Variants in NEBL observed in about 807,000 individuals in gnomAD.
NEBL encodes the protein nebulette, also known as LIM and SH3 protein 2.
A neutral mutation model predicts 140.2 loss-of-function variants in NEBL; 122 were observed. The observed-to-expected ratio is 0.87, with a 90% CI of 0.75 to 1.01. The LOEUF (loss-of-function observed/expected upper bound fraction) is 1.01. Ranked by LOEUF, NEBL falls within the 50% of genes least tolerant of loss-of-function variation. The pLI, the probability that NEBL is intolerant of heterozygous loss-of-function variation, is 0.00. For synonymous variants in NEBL, 436 were observed against 398.9 expected, an observed-to-expected ratio of 1.09 and a Z score of -1.11; for missense variants, 1,365 against 1,231.3, an observed-to-expected ratio of 1.11 and a Z score of -1.62.
chr10:20,938,469 T>TA (rs1480641538), intron 4 of NEBL, among the ~76,000 whole-genome samples: 1 of 152,068 alleles, frequency 6.6e-6, no homozygotes, highest in East Asian at 1.9e-4. Context: ...CAAAGGTAGA[T>TA]AAAACCACAA....
At chr10:21,029,751 A>C (rs1833700167) in intron 2 of NEBL, 1 of 798,070 alleles carries the variant, frequency 1.3e-6, no homozygotes, top group Non-Finnish European at 2.2e-6. Context: ...ATATGGATCG[A>C]TATGGCTGGC....
chr10:20,826,403 T>C lies in NEBL; in HGVS notation c.1869+44A>G, dbSNP rs1409348. 0.42 allele frequency: 598,067 copies of C among 1,438,126 alleles called. 130,917 individuals are homozygous for C. The highest frequency in any genetic ancestry group is 0.64 in the African/African-American group (45,826 of 71,208). 89.1% of individuals were successfully genotyped at this position (1,438,126 alleles called of 1,614,324 possible). A position where few individuals can be genotyped will look rare whatever the true frequency, so the allele number is the denominator to read the frequency against. ...AACTAAAAACATTTGTCTATAGTTT[T>C]GGTTTGCTTTTAGAAAAGATAATTA... On this transcript the variant is annotated intron_variant, in intron 18 of 27. Coordinates refer to ENST00000377122, the MANE Select transcript of NEBL (RefSeq NM_006393.3).
intron 7 of NEBL, 126 bp downstream of exon 7, chr10:20,868,538 G>C: frequency 1.3e-6 from 1 of 799,394 alleles, no homozygotes; most frequent in South Asian, 1.4e-5. Flanking sequence ...TCTGAACTGG[G>C]TTCAGAAACA....
chr10:21,223,999 A>C (rs1053857313), intron 3 of NEBL, among the ~76,000 whole-genome samples: 1 of 152,092 alleles, frequency 6.6e-6, no homozygotes, highest in African/African-American at 2.4e-5. Context: ...TCACTTCGAT[A>C]ATGTTTCTTT....
In NEBL at chr10:20,858,832, C is replaced by T. The variant is rs181880208; in HGVS notation, c.799-488G>A. Among the ~76,000 whole-genome samples the T allele has an allele frequency of 4.0e-3, 615 of 152,112 alleles. 4 individuals are homozygous for T. Among genetic ancestry groups the T allele is most frequent in the African/African-American group, 0.014 (574 of 41,512 alleles). Reference sequence around the variant, plus strand: ...TACTATGTGCCACTTTTCTAAATTCCTTTATATGTATTAAGTATTGAATCT... The same window carrying T: ...TACTATGTGCCACTTTTCTAAATTCTTTTATATGTATTAAGTATTGAATCT... On this transcript the variant is annotated intron_variant, in intron 8 of 27. Coordinates refer to ENST00000377122, the MANE Select transcript of NEBL (RefSeq NM_006393.3).
rs1834381425 is a variant in NEBL at position 21,043,932 on chromosome 10, C to A, written c.165-23731G>T. 4.6e-5 allele frequency among the ~76,000 whole-genome samples: 7 copies of A among 152,280 alleles called. No homozygotes were observed. The South Asian group carries it at 1.5e-3, about 32-fold the overall frequency. ...AAATGAGTGGAGAGATCCTAGTCTA[C>A]AACTCTAAATAGATCCACAGTGTGC... is the stretch of plus-strand genomic sequence containing the variant. On this transcript the variant is annotated intron_variant, in intron 2 of 6. Transcript: ENST00000417816.
intron 24 of NEBL, 53 bp downstream of exon 24, chr10:20,812,716 C>A: frequency 6.2e-7 from 1 of 1,604,292 alleles, no homozygotes; most frequent in South Asian, 1.1e-5. Context: ...GAAGCTAGAG[C>A]AAGCATGATC....
intron 11 of NEBL, among the ~76,000 whole-genome samples, chr10:20,846,014 A>G (rs1299134737): frequency 6.6e-6 from 1 of 152,124 alleles, no homozygotes; most frequent in Non-Finnish European, 1.5e-5. Flanking sequence ...AGAGTTCACA[A>G]CAAGAAATGA....
In NEBL at chr10:21,089,497, G is replaced by C. The variant is rs573375588; in HGVS notation, c.165-69296C>G. 3.3e-5 allele frequency among the ~76,000 whole-genome samples: 5 copies of C among 152,092 alleles called. No individual in the cohort carries two copies. In the South Asian group the frequency reaches 1.0e-3, roughly 32 times the overall value. ...AGCAAGAGCACGTAGCCAAAGAGGT[G>C]GGGGGTGACACGGGTGAGTGTGGCA... On this transcript the variant is annotated intron_variant, in intron 2 of 6. Transcript: ENST00000417816.
At chr10:21,106,722 G>T (rs1463824713) in intron 2 of NEBL, among the ~76,000 whole-genome samples, 1 of 152,174 alleles carries the variant, frequency 6.6e-6, no homozygotes, top group Non-Finnish European at 1.5e-5. Flanking sequence ...ATTCTGTGAA[G>T]AAAGTCAGTA....
At chr10:21,196,083 A>T (rs1189827351) in intron 3 of NEBL, among the ~76,000 whole-genome samples, 1 of 152,106 alleles carries the variant, frequency 6.6e-6, no homozygotes, top group African/African-American at 2.4e-5. Flanking sequence ...AGCTCACTGC[A>T]ACCTCTGACT....
At position 21,126,196 on chromosome 10, in the gene NEBL, T is replaced by C. The variant is rs760689167; in HGVS notation, c.164+46187A>G. On this transcript the variant is annotated intron_variant, in intron 2 of 6. Transcript: ENST00000417816. ...ATAGAAAGGAAAAAAAATACCACAT[T>C]TGGAATAATAACAACTACATTGCTG... 10 of 1,442,448 alleles carry C rather than the reference T, an allele frequency of 6.9e-6. No individual in the cohort carries two copies. In the South Asian group the frequency reaches 1.0e-4, roughly 14 times the overall value. The allele number at this position is 1,442,448 out of a possible 1,614,324, so 89.4% of individuals were successfully genotyped here.
intron 18 of NEBL, 24 bp from the exon 19 acceptor site, chr10:20,823,324 C>A: frequency 6.6e-7 from 1 of 1,508,764 alleles, no homozygotes; most frequent in Non-Finnish European, 9.2e-7. Context: ...AAGAATATAA[C>A]GTTAACTTTA....
At chr10:20,786,001 C>T in intron 27 of NEBL, 78 bp from the exon 28 acceptor site, 2 of 1,361,132 alleles carry the variant, frequency 1.5e-6, no homozygotes, top group Non-Finnish European at 1.0e-6. Flanking sequence ...CACACCGACC[C>T]ACACATAAAG....
At chr10:21,095,172 A>C (rs1250894224) in intron 2 of NEBL, among the ~76,000 whole-genome samples, 3 of 152,186 alleles carry the variant, frequency 2.0e-5, no homozygotes, top group African/African-American at 7.2e-5. Flanking sequence ...TCAGCTCTCT[A>C]GACTGTTCAT....
At chr10:20,819,198 C>T (rs530656923) in intron 20 of NEBL, 13 of 893,568 alleles carry the variant, frequency 1.5e-5, no homozygotes, top group South Asian at 8.9e-5. Flanking sequence ...GTTACTTTTC[C>T]GGATCCTCTC....
rs189044813 is a variant in NEBL at position 20,783,863 on chromosome 10, G to C, written c.*1884C>G. 27 of 152,526 alleles carry C rather than the reference G, an allele frequency of 1.8e-4. No individual in the cohort carries two copies. Among genetic ancestry groups the C allele is most frequent in the African/African-American group, 5.3e-4 (22 of 41,422 alleles). The allele number at this position is 152,526 out of a possible 1,614,324, so 9.4% of individuals were successfully genotyped here. A position where few individuals can be genotyped will look rare whatever the true frequency, so the allele number is the denominator to read the frequency against. On this transcript the variant is annotated 3_prime_UTR_variant, in exon 28 of 28. Coordinates refer to ENST00000377122, the MANE Select transcript of NEBL (RefSeq NM_006393.3). ...ATCACGACTGGCCATTTCAGTGAGA[G>C]AAAACCAGCCAAACCCCCTTAAAAG... is the stretch of plus-strand genomic sequence containing the variant.
chr10:21,122,170 C>CACCT (rs1838609494), intron 2 of NEBL, among the ~76,000 whole-genome samples: 1 of 152,098 alleles, frequency 6.6e-6, no homozygotes, highest in African/African-American at 2.4e-5. Context: ...GGATTACAGG[C>CACCT]ACCTACCACC....
chr10:20,877,556 G>C (rs1241297479), intron 5 of NEBL, among the ~76,000 whole-genome samples: 1 of 152,188 alleles, frequency 6.6e-6, no homozygotes, highest in Non-Finnish European at 1.5e-5. Context: ...CTGTAAGCTT[G>C]CACGTGTGAA....
Sources: gnomAD v4.1 joint callset for allele counts (sites outside exome capture counted in the v4.1 genomes callset) on GRCh38, gnomAD v4.1.1 for gene constraint, MANE v1.5 for transcripts, NCBI Gene and HGNC (gene_info 2026-07-23, HGNC 2026-07-21) for gene names.